The following MYO3B variants were observed in gnomAD, a reference collection of about 807,000 sequenced individuals.
MYO3B encodes myosin-IIIb.
MYO3B carries 156 observed loss-of-function variants against 174.6 expected under a neutral mutation model. The observed-to-expected ratio is 0.89, with a 90% CI of 0.78 to 1.02. The LOEUF is 1.02. Among genes scored for constraint, MYO3B ranks in the 50% least tolerant of loss-of-function variants. The pLI, the probability that MYO3B is intolerant of heterozygous loss-of-function variation, is 0.00. For synonymous variants in MYO3B, 563 were observed against 569.1 expected (o/e 0.99, Z 0.15); for missense variants, 1,632 against 1,639.4 (o/e 1.00, Z 0.08).
At chr2:170,577,883 C>T (rs919295450) in intron 32 of MYO3B, among the ~76,000 whole-genome samples, 2 of 152,174 alleles carry the variant, frequency 1.3e-5, no homozygotes, top group Admixed American at 6.5e-5. Context: ...AAACCTCAAG[C>T]ATTTCCAAAT....
chr2:170,367,197 G>A (rs1260411653), intron 8 of MYO3B, among the ~76,000 whole-genome samples: 1 of 152,170 alleles, frequency 6.6e-6, no homozygotes, highest in African/African-American at 2.4e-5. Flanking sequence ...TTTTCAATGA[G>A]CATTTCCTGG....
chr2:170,267,207 G>A (rs1418222093), intron 7 of MYO3B, among the ~76,000 whole-genome samples: 1 of 152,166 alleles, frequency 6.6e-6, no homozygotes, highest in Non-Finnish European at 1.5e-5. Flanking sequence ...CCTGACAGAG[G>A]CTCTGCCATA....
chr2:170,223,276 C>G (rs2092920126), intron 6 of MYO3B, among the ~76,000 whole-genome samples: 1 of 152,196 alleles, frequency 6.6e-6, no homozygotes, highest in African/African-American at 2.4e-5. Context: ...ACAAAAACAA[C>G]ACAGTCTTCC....
intron 7 of MYO3B, among the ~76,000 whole-genome samples, chr2:170,311,428 T>C (rs1365901328): frequency 8.9e-6 from 1 of 112,472 alleles, no homozygotes; most frequent in Non-Finnish European, 1.9e-5. Context: ...AGAATGTCTA[T>C]TCATGTTTTT....
intron 32 of MYO3B, among the ~76,000 whole-genome samples, chr2:170,607,270 T>C (rs1407865969): frequency 6.6e-6 from 1 of 152,240 alleles, no homozygotes; most frequent in Non-Finnish European, 1.5e-5. Flanking sequence ...TCAGTTGGGA[T>C]AGATTAGATT....
intron 7 of MYO3B, among the ~76,000 whole-genome samples, chr2:170,317,862 T>G (rs1232695146): frequency 6.6e-6 from 1 of 152,222 alleles, no homozygotes; most frequent in Admixed American, 6.5e-5. Context: ...AGAGTTTTTA[T>G]CGTGATAAAA....
intron 7 of MYO3B, among the ~76,000 whole-genome samples, chr2:170,310,082 C>T (rs1371543950): frequency 6.6e-6 from 1 of 152,204 alleles, no homozygotes; most frequent in African/African-American, 2.4e-5. Context: ...CACATTGTAG[C>T]ATGGATCAGT....
chr2:170,383,287 C>T (rs1320375612), intron 11 of MYO3B, 98 bp downstream of exon 11: 1 of 758,790 alleles, frequency 1.3e-6, no homozygotes, highest in East Asian at 2.5e-5. Flanking sequence ...AATTATGCTA[C>T]CCTAGATGTA....
At chr2:170,191,828 G>A (rs1222033663) in intron 1 of MYO3B, among the ~76,000 whole-genome samples, 1 of 152,162 alleles carries the variant, frequency 6.6e-6, no homozygotes, top group Non-Finnish European at 1.5e-5. Context: ...TCTTATGAAG[G>A]TGCTTTTTTG....
intron 32 of MYO3B, among the ~76,000 whole-genome samples, chr2:170,558,647 G>A (rs1048706471): frequency 8.9e-4 from 136 of 152,188 alleles, no homozygotes; most frequent in Non-Finnish European, 3.2e-4. Context: ...TCCCATTTTA[G>A]GATGAGAGCA....
At chr2:170,631,661 C>T (rs1413211255) in intron 32 of MYO3B, among the ~76,000 whole-genome samples, 1 of 151,946 alleles carries the variant, frequency 6.6e-6, no homozygotes, top group South Asian at 2.1e-4. Flanking sequence ...AGAGAAAGGT[C>T]GGGTTACCCA....
chr2:170,251,778 C>A (rs1366875937), intron 7 of MYO3B, among the ~76,000 whole-genome samples: 1 of 152,150 alleles, frequency 6.6e-6, no homozygotes, highest in Non-Finnish European at 1.5e-5. Flanking sequence ...TTTGTTACAG[C>A]AGTTCTAGGA....
At chr2:170,289,475 C>T (rs2093580892) in intron 7 of MYO3B, among the ~76,000 whole-genome samples, 1 of 151,942 alleles carries the variant, frequency 6.6e-6, no homozygotes, top group African/African-American at 2.4e-5. Context: ...TCCATTCTTC[C>T]AGGTTTTCCA....
At position 170,542,917 on chromosome 2, in the gene MYO3B, C is replaced by A; in HGVS notation, c.3587C>A (p.Ala1196Asp). The change falls in exon 31 of 35, where the codon GCC (alanine) becomes GAC (aspartate). Residue 1196 changes from alanine to aspartate, a missense_variant. Coordinates refer to ENST00000408978, the MANE Select transcript of MYO3B (RefSeq NM_138995.5). ...TGTTATCTTTTCAGGCATTCACAAGCCCAGAGTTCTCCAAAAGGGTGCGAT... is the reference window on the plus strand; with the variant it reads ...TGTTATCTTTTCAGGCATTCACAAGACCAGAGTTCTCCAAAAGGGTGCGAT... ...AVTEKNGHSQ[A>D]QSSPKGCDIF... 6.2e-7 allele frequency: 1 copy of A among 1,607,342 alleles called. No individual in the cohort carries two copies. The highest frequency in any genetic ancestry group is 2.2e-5 in the East Asian group (1 of 44,770).
intron 32 of MYO3B, among the ~76,000 whole-genome samples, chr2:170,610,480 A>T (rs1438938546): frequency 6.6e-6 from 1 of 152,264 alleles, no homozygotes; most frequent in Non-Finnish European, 1.5e-5. Context: ...ATTACCCTCT[A>T]TCAGGCAGTC....
intron 32 of MYO3B, among the ~76,000 whole-genome samples, chr2:170,622,785 A>ATTGTTCAATT (rs1388723216): frequency 2.3e-4 from 11 of 47,834 alleles, no homozygotes; most frequent in African/African-American, 5.7e-4. Context: ...TGGTGTTCTC[A>ATTGTTCAATT]TTGTTCAATT....
At chr2:170,224,030 TG>T (rs934420300) in intron 6 of MYO3B, among the ~76,000 whole-genome samples, 7 of 152,042 alleles carry the variant, frequency 4.6e-5, no homozygotes, top group African/African-American at 1.7e-4. Context: ...CCAGTAACTA[TG>T]GGGGGAAAGG....
At chr2:170,361,196 A>G (rs902811668) in intron 8 of MYO3B, among the ~76,000 whole-genome samples, 3 of 152,206 alleles carry the variant, frequency 2.0e-5, no homozygotes, top group Non-Finnish European at 4.4e-5. Flanking sequence ...TAACCATTTA[A>G]GGTGTGATCT....
intron 25 of MYO3B, among the ~76,000 whole-genome samples, chr2:170,476,150 G>A (rs1685306260): frequency 1.3e-5 from 2 of 152,222 alleles, no homozygotes. Flanking sequence ...CCTGCGGGAA[G>A]GGGAGCACGT....
Sources: allele counts gnomAD v4.1 joint callset (sites outside exome capture counted in the v4.1 genomes callset), GRCh38; gene constraint gnomAD v4.1.1; transcripts MANE v1.5; gene names NCBI Gene and HGNC (gene_info 2026-07-23, HGNC 2026-07-21).